Variants in STK31 observed in about 807,000 individuals in gnomAD.
STK31 encodes the protein serine/threonine-protein kinase 31.
A neutral mutation model predicts 129.7 loss-of-function variants in STK31; 89 were observed. The ratio of observed to expected loss-of-function variants is 0.69; its 90% CI spans 0.58 to 0.82. The LOEUF (loss-of-function observed/expected upper bound fraction) is 0.82. Among genes scored for constraint, STK31 ranks in the 40% least tolerant of loss-of-function variants. The probability of loss-of-function intolerance (pLI) is 0.00; values close to 1 mark genes in which losing one functional copy is unlikely to be tolerated. For synonymous variants in STK31, 448 were observed against 395.3 expected, an observed-to-expected ratio of 1.13 and a Z score of -1.58; for missense variants, 1,187 against 1,176.4, an observed-to-expected ratio of 1.01 and a Z score of -0.13.
chr7:23,820,085 G>A (rs1181656203), intron 23 of STK31, among the ~76,000 whole-genome samples: 1 of 152,176 alleles, frequency 6.6e-6, no homozygotes, highest in Non-Finnish European at 1.5e-5. Context: ...TATTTCACTT[G>A]TTTTTGAGAG....
intron 12 of STK31, among the ~76,000 whole-genome samples, 181 bp from the exon 13 acceptor site, chr7:23,769,459 G>T (rs1410179128): frequency 6.6e-6 from 1 of 152,016 alleles, no homozygotes; most frequent in East Asian, 1.9e-4. Context: ...AGTATGCTAT[G>T]TGTATGTACC....
In STK31 at chr7:23,810,617, T is replaced by TAG. The variant is rs1491179064; in HGVS notation, c.2761-4526_2761-4525insGA. On this transcript the variant is annotated intron_variant, in intron 22 of 23. Transcript: ENST00000355870. The stretch of plus-strand genomic sequence containing the variant: ...CCATCTTTTTATATATATATATATA[T>TAG]AATATATATAATAGATATAAAATAT... 1.5e-3 allele frequency among the ~76,000 whole-genome samples: 202 copies of TAG among 131,282 alleles called. 3 individuals carry two copies. The highest frequency in any genetic ancestry group is 8.3e-3 in the Middle Eastern group (2 of 242). 86.1% of individuals were successfully genotyped at this position (131,282 alleles called of 152,430 possible). A position where few individuals can be genotyped will look rare whatever the true frequency, so the allele number is the denominator to read the frequency against.
At chr7:23,727,163 C>A in intron 4 of STK31, 78 bp from the exon 5 acceptor site, 1 of 1,172,072 alleles carries the variant, frequency 8.5e-7, no homozygotes. Flanking sequence ...ATAGGAAGAG[C>A]TTAAATGCTA....
In STK31 at chr7:23,727,556, C is replaced by CTTTT. The variant is rs58066410; in HGVS notation, c.324+262_324+265dup. The CTTTT allele has an allele frequency of 3.5e-3, 485 of 137,290 alleles. 2 individuals carry two copies. Among genetic ancestry groups the CTTTT allele is most frequent in the East Asian group, 6.1e-3 (18 of 2,956 alleles). The allele number at this position is 137,290 out of a possible 1,614,324, so 8.5% of individuals were successfully genotyped here. A position where few individuals can be genotyped will look rare whatever the true frequency, so the allele number is the denominator to read the frequency against. ...GTGACTAGTTATTTTTACCTCAGTT[C>CTTTT]TTTTTTTTTTTTTTTTTTTTTTTTG... On this transcript the variant is annotated intron_variant, in intron 5 of 23. Coordinates refer to ENST00000355870, the MANE Select transcript of STK31 (RefSeq NM_031414.5).
intron 8 of STK31, 82 bp from the exon 9 acceptor site, chr7:23,752,635 C>T: frequency 1.9e-6 from 2 of 1,066,872 alleles, no homozygotes; most frequent in Non-Finnish European, 2.8e-6. Context: ...GCCACTGTGC[C>T]CAGCCAAAAA....
At chr7:23,809,241 T>C (rs1180164551) in intron 22 of STK31, among the ~76,000 whole-genome samples, 1 of 152,052 alleles carries the variant, frequency 6.6e-6, no homozygotes, top group Non-Finnish European at 1.5e-5. Context: ...CCTTGGGAGC[T>C]GAATGCTGTT....
At chr7:23,745,654 G>C (rs534971435) in intron 8 of STK31, among the ~76,000 whole-genome samples, 1 of 152,304 alleles carries the variant, frequency 6.6e-6, no homozygotes, top group Admixed American at 6.5e-5. Flanking sequence ...ATTGCCTCAG[G>C]TTCTGGGTTG....
intron 22 of STK31, among the ~76,000 whole-genome samples, chr7:23,805,807 T>G (rs1181485765): frequency 6.6e-6 from 1 of 152,198 alleles, no homozygotes; most frequent in Non-Finnish European, 1.5e-5. Flanking sequence ...TTTAAGGACA[T>G]TATTATGTCT....
chr7:23,773,433 A>T (rs1790329235), intron 15 of STK31, among the ~76,000 whole-genome samples: 1 of 151,894 alleles, frequency 6.6e-6, no homozygotes, highest in South Asian at 2.1e-4. Context: ...TTCTTTATCC[A>T]CTCAATCATT....
At chr7:23,801,846 C>T (rs554288469) in intron 22 of STK31, among the ~76,000 whole-genome samples, 1 of 152,138 alleles carries the variant, frequency 6.6e-6, no homozygotes, top group Non-Finnish European at 1.5e-5. Context: ...ATAAATCGGC[C>T]ATTTTTGTGT....
At chr7:23,807,548 G>T (rs1341305303) in intron 22 of STK31, among the ~76,000 whole-genome samples, 1 of 152,060 alleles carries the variant, frequency 6.6e-6, no homozygotes, top group East Asian at 1.9e-4. Flanking sequence ...TCTGTTTGAG[G>T]TTTTCTCAGC....
At chr7:23,813,487 C>G (rs1017239488) in intron 22 of STK31, among the ~76,000 whole-genome samples, 2 of 152,082 alleles carry the variant, frequency 1.3e-5, no homozygotes, top group Non-Finnish European at 2.9e-5. Context: ...TTAATAGATT[C>G]TGGGTCCTAC....
chr7:23,737,630 A>C (rs377012069), intron 8 of STK31, among the ~76,000 whole-genome samples: 1 of 152,240 alleles, frequency 6.6e-6, no homozygotes, highest in African/African-American at 2.4e-5. Flanking sequence ...CATGAATGCC[A>C]CATGATTGTA....
In STK31 at chr7:23,761,446, AGTCTCGCTCT is replaced by A. The variant is rs1315253416; in HGVS notation, c.1294-1351_1294-1342del. Among the ~76,000 whole-genome samples, 297 of 143,842 alleles carry A rather than the reference AGTCTCGCTCT, an allele frequency of 2.1e-3. 1 individual carries two copies. Among genetic ancestry groups the A allele is most frequent in the African/African-American group, 7.4e-3 (285 of 38,298 alleles). 94.4% of individuals were successfully genotyped at this position (143,842 alleles called of 152,430 possible). A position where few individuals can be genotyped will look rare whatever the true frequency, so the allele number is the denominator to read the frequency against. The stretch of plus-strand genomic sequence containing the variant: ...TGCTTTTTTTTTTTTTTTGAGACGG[AGTCTCGCTCT>A]GTCGCCCAGGCCGGAGTGCAGTGGT... On this transcript the variant is annotated intron_variant, in intron 10 of 23. Transcript: ENST00000355870.
Position 23,745,244 on chromosome 7 carries a change from G to T in STK31, c.1018-7473G>T, listed in dbSNP as rs141002077. Reference sequence around the variant, plus strand: ...TGGGTGATACCCAGGGCCTTGGGTGGTGTGCTCAGACACTGGTGAGAGGGG... The same window carrying T: ...TGGGTGATACCCAGGGCCTTGGGTGTTGTGCTCAGACACTGGTGAGAGGGG... On this transcript the variant is annotated intron_variant, in intron 8 of 23. Transcript: ENST00000355870. Among the ~76,000 whole-genome samples the T allele has an allele frequency of 2.9e-3, 435 of 152,290 alleles. 2 individuals carry two copies. The highest frequency in any genetic ancestry group is 0.01 in the African/African-American group (419 of 41,560).
intron 22 of STK31, among the ~76,000 whole-genome samples, chr7:23,791,907 A>G (rs1791644851): frequency 6.6e-6 from 1 of 152,242 alleles, no homozygotes; most frequent in Non-Finnish European, 1.5e-5. Flanking sequence ...AAGCAGCCAT[A>G]GACAGTATGT....
intron 11 of STK31, among the ~76,000 whole-genome samples, chr7:23,768,225 A>G (rs1350680806): frequency 1.3e-5 from 2 of 152,128 alleles, no homozygotes; most frequent in Admixed American, 6.6e-5. Context: ...AATTGCTTAC[A>G]TTATTCAGCA....
chr7:23,713,316 G>C (rs1171981555), intron 3 of STK31, among the ~76,000 whole-genome samples: 1 of 152,180 alleles, frequency 6.6e-6, no homozygotes, highest in East Asian at 1.9e-4. Flanking sequence ...TGGTACACCT[G>C]TATAGGGCAC....
intron 1 of STK31, 68 bp downstream of exon 1, chr7:23,710,403 G>A (rs1268748321): frequency 1.2e-6 from 2 of 1,610,032 alleles, no homozygotes; most frequent in African/African-American, 1.3e-5. Flanking sequence ...CGCTGCTTGC[G>A]TTTTAAGTCT....
Sources: gnomAD v4.1 joint callset for allele counts (sites outside exome capture counted in the v4.1 genomes callset) on GRCh38, gnomAD v4.1.1 for gene constraint, MANE v1.5 for transcripts, NCBI Gene and HGNC (gene_info 2026-07-23, HGNC 2026-07-21) for gene names.